The following LSAMP variants were observed in gnomAD, a reference collection of about 807,000 sequenced individuals.
The protein encoded by LSAMP is limbic system associated membrane protein.
LSAMP carries 7 observed loss-of-function variants against 38.6 expected under a neutral mutation model. The ratio of observed to expected loss-of-function variants is 0.18; its 90% CI spans 0.10 to 0.34. LSAMP has a LOEUF of 0.34. Among genes scored for constraint, LSAMP ranks in the 10% least tolerant of loss-of-function variants. The pLI is 1.00. For missense variants in LSAMP, 313 were observed against 420.0 expected, an observed-to-expected ratio of 0.75 and a Z score of 2.23; for synonymous variants, 154 against 166.8, an observed-to-expected ratio of 0.92 and a Z score of 0.59.
At chr3:115,889,064 A>G (rs894837626) in intron 3 of LSAMP, among the ~76,000 whole-genome samples, 6 of 151,828 alleles carry the variant, frequency 4.0e-5, no homozygotes, top group Admixed American at 6.6e-5. Flanking sequence ...GATTCCTGTG[A>G]ATGTTCTCCC....
chr3:115,902,188 A>C (rs1427956663), intron 3 of LSAMP, among the ~76,000 whole-genome samples: 1 of 152,090 alleles, frequency 6.6e-6, no homozygotes, highest in African/African-American at 2.4e-5. Flanking sequence ...GCATTCTAGA[A>C]GCTACCAAAA....
chr3:116,357,996 A>G (rs1391598124), intron 1 of LSAMP, among the ~76,000 whole-genome samples: 1 of 152,114 alleles, frequency 6.6e-6, no homozygotes, highest in East Asian at 1.9e-4. Flanking sequence ...TGGAGGCAGA[A>G]ACTCATGAAG....
intron 3 of LSAMP, among the ~76,000 whole-genome samples, chr3:115,988,367 A>C (rs916079194): frequency 1.3e-5 from 2 of 152,154 alleles, no homozygotes; most frequent in Non-Finnish European, 2.9e-5. Context: ...GACAAGAAAC[A>C]CTGTTTCTCA....
chr3:116,244,198 C>T (rs924783968), intron 1 of LSAMP, among the ~76,000 whole-genome samples: 12 of 152,116 alleles, frequency 7.9e-5, no homozygotes, highest in Non-Finnish European at 1.0e-4. Context: ...CTATGCTATC[C>T]TGAGTCTTAA....
chr3:116,424,773 C>T (rs1200087467), intron 1 of LSAMP, among the ~76,000 whole-genome samples: 1 of 152,072 alleles, frequency 6.6e-6, no homozygotes, highest in Non-Finnish European at 1.5e-5. Flanking sequence ...GCTCTGTATG[C>T]AGCAAATAAG....
intron 1 of LSAMP, among the ~76,000 whole-genome samples, chr3:116,278,833 TTAAG>T (rs144330608): frequency 0.031 from 4,707 of 152,246 alleles, 235 homozygotes; most frequent in African/African-American, 0.1. Context: ...ATCTGCCAAA[TTAAG>T]TGTTTTGTTG....
At chr3:116,431,361 G>A (rs186917658) in intron 1 of LSAMP, among the ~76,000 whole-genome samples, 314 of 152,020 alleles carry the variant, frequency 2.1e-3, no homozygotes, top group African/African-American at 7.1e-3. Context: ...TATTTGCCAC[G>A]CTATACTTTG....
At chr3:115,852,431 G>A (rs368963423) in intron 4 of LSAMP, 52 bp downstream of exon 4, 3 of 1,553,602 alleles carry the variant, frequency 1.9e-6, no homozygotes, top group Non-Finnish European at 2.6e-6. Flanking sequence ...GCTCACTGGA[G>A]GTAGAGGTGC....
chr3:115,946,314 T>C (rs183497342), intron 3 of LSAMP, among the ~76,000 whole-genome samples: 2 of 152,274 alleles, frequency 1.3e-5, no homozygotes, highest in East Asian at 1.9e-4. Flanking sequence ...AAAAACTTTC[T>C]GTTGGCCGGA....
At chr3:116,063,294 C>T (rs2107360392) in intron 2 of LSAMP, among the ~76,000 whole-genome samples, 1 of 152,278 alleles carries the variant, frequency 6.6e-6, no homozygotes, top group Non-Finnish European at 1.5e-5. Flanking sequence ...ACACACAATA[C>T]AATTCTTATA....
At chr3:115,903,031 G>GAAGATA (rs1254066563) in intron 3 of LSAMP, among the ~76,000 whole-genome samples, 1 of 152,154 alleles carries the variant, frequency 6.6e-6, no homozygotes. Flanking sequence ...GAAGATACAT[G>GAAGATA]CACGCATATA....
intron 1 of LSAMP, among the ~76,000 whole-genome samples, chr3:116,279,487 G>A (rs545140325): frequency 6.6e-6 from 1 of 152,130 alleles, no homozygotes; most frequent in South Asian, 2.1e-4. Context: ...GAAGAGTAGG[G>A]AGCCTATTCT....
intron 6 of LSAMP, among the ~76,000 whole-genome samples, chr3:115,831,484 C>G (rs1253294729): frequency 6.6e-6 from 1 of 152,138 alleles, no homozygotes; most frequent in Admixed American, 6.6e-5. Context: ...TCATTCTGAA[C>G]CTACGGTCCT....
At chr3:115,952,697 G>A (rs1218262119) in intron 3 of LSAMP, among the ~76,000 whole-genome samples, 1 of 152,062 alleles carries the variant, frequency 6.6e-6, no homozygotes, top group Non-Finnish European at 1.5e-5. Flanking sequence ...AAAACCATCT[G>A]TTCCCCAAAA....
intron 2 of LSAMP, among the ~76,000 whole-genome samples, chr3:116,037,946 T>A (rs1941083863): frequency 6.6e-6 from 1 of 152,134 alleles, no homozygotes; most frequent in Non-Finnish European, 1.5e-5. Context: ...TTCCATAGTC[T>A]CATGGTTAAT....
intron 3 of LSAMP, among the ~76,000 whole-genome samples, chr3:115,937,650 GAA>G (rs60829726): frequency 6.9e-6 from 1 of 145,846 alleles, no homozygotes; most frequent in East Asian, 2.0e-4. Context: ...AATAAGAAAA[GAA>G]AAAAAAAAAA....
intron 1 of LSAMP, among the ~76,000 whole-genome samples, chr3:116,213,107 G>T (rs2046180760): frequency 6.6e-6 from 1 of 152,002 alleles, no homozygotes; most frequent in African/African-American, 2.4e-5. Context: ...TCCAGAGGTG[G>T]GATAAATGCA....
chr3:116,237,794 A>G (rs1039362776), intron 1 of LSAMP, among the ~76,000 whole-genome samples: 6 of 152,330 alleles, frequency 3.9e-5, no homozygotes, highest in South Asian at 2.1e-4. Flanking sequence ...TAATTACTGC[A>G]TAATTCAACA....
chr3:115,852,274 A>T (rs936531167), intron 4 of LSAMP, among the ~76,000 whole-genome samples: 2 of 152,228 alleles, frequency 1.3e-5, no homozygotes, highest in Non-Finnish European at 2.9e-5. Flanking sequence ...GTACTGTTAA[A>T]TGTATTATGG....
Sources: gnomAD v4.1 joint callset for allele counts (sites outside exome capture counted in the v4.1 genomes callset) on GRCh38, gnomAD v4.1.1 for gene constraint, MANE v1.5 for transcripts, NCBI Gene and HGNC (gene_info 2026-07-23, HGNC 2026-07-21) for gene names.